CPVL: variants seen among roughly 807,000 people sequenced by gnomAD.
CPVL encodes the protein probable serine carboxypeptidase CPVL.
CPVL carries 51 observed loss-of-function variants against 63.7 expected under a neutral mutation model. The observed-to-expected ratio is 0.80, with a 90% CI of 0.64 to 1.01. The LOEUF is 1.01. CPVL is among the 50% of genes least tolerant of loss of function. The pLI, the probability that CPVL is intolerant of heterozygous loss-of-function variation, is 0.00. For synonymous variants in CPVL, 195 were observed against 206.0 expected, an observed-to-expected ratio of 0.95 and a Z score of 0.46; for missense variants, 530 against 573.1, an observed-to-expected ratio of 0.92 and a Z score of 0.77.
At chr7:29,022,584 C>A (rs1477660703) in intron 12 of CPVL, among the ~76,000 whole-genome samples, 1 of 152,230 alleles carries the variant, frequency 6.6e-6, no homozygotes, top group Non-Finnish European at 1.5e-5. Context: ...CTACCCCACC[C>A]ACTGCCACTG....
chr7:29,134,636 T>C (rs1489621465), intron 1 of CPVL, among the ~76,000 whole-genome samples: 1 of 151,988 alleles, frequency 6.6e-6, no homozygotes, highest in Admixed American at 6.5e-5. Context: ...TCTTAAGAAA[T>C]CTTAAGAATT....
chr7:29,147,777 A>C (rs562251979), upstream of CPVL, among the ~76,000 whole-genome samples: 2 of 152,380 alleles, frequency 1.3e-5, no homozygotes, highest in South Asian at 4.1e-4. Context: ...ACAAACAGAG[A>C]TCTGTAGGCC....
At chr7:29,010,564 C>A (rs922029951) in intron 12 of CPVL, 3 of 152,196 alleles carry the variant, frequency 2.0e-5, no homozygotes, top group African/African-American at 7.2e-5. Context: ...TTTGACAAGA[C>A]AGTCTCTTTG....
At chr7:29,125,632 A>G (rs1789932729) in intron 1 of CPVL, among the ~76,000 whole-genome samples, 1 of 151,888 alleles carries the variant, frequency 6.6e-6, no homozygotes, top group African/African-American at 2.4e-5. Flanking sequence ...ATCTCAGGTG[A>G]TCCACCCGCC....
chr7:29,084,786 T>C (rs1413147357), intron 7 of CPVL, among the ~76,000 whole-genome samples: 2 of 152,222 alleles, frequency 1.3e-5, no homozygotes, highest in Non-Finnish European at 2.9e-5. Context: ...AGTACTTTGA[T>C]TATAGGTGTG....
intron 3 of CPVL, among the ~76,000 whole-genome samples, chr7:29,108,673 G>A (rs1787961406): frequency 6.6e-6 from 1 of 152,120 alleles, no homozygotes; most frequent in African/African-American, 2.4e-5. Flanking sequence ...TATGTTTTAG[G>A]TGCCACTCTA....
chr7:29,072,335 A>G lies in CPVL; in HGVS notation c.698T>C (p.Ile233Thr). Residue 233 changes from isoleucine (I) to threonine (T), a missense_variant, in exon 8 of 13, where the codon ATT becomes ACT. Physicochemically the swap from Ile to Thr is moderately conservative, Grantham distance 89. Transcript: ENST00000265394. Reference sequence around the variant, plus strand: ...ATCAGAATATCCATCTCCAATAGCAATTCCGTTCAGGTTGATCTTCACCTC... The same window carrying G: ...ATCAGAATATCCATCTCCAATAGCAGTTCCGTTCAGGTTGATCTTCACCTC... Reference protein sequence around the residue: ...VREVKINLNGIAIGDGYSDPE... With the variant: ...VREVKINLNGTAIGDGYSDPE... The G allele has an allele frequency of 6.2e-7, 1 of 1,614,144 alleles. No homozygotes were observed. Among genetic ancestry groups the G allele is most frequent in the Middle Eastern group, 1.7e-4 (1 of 6,058 alleles).
chr7:29,032,804 T>C (rs1003864698), intron 11 of CPVL, among the ~76,000 whole-genome samples: 2 of 152,242 alleles, frequency 1.3e-5, no homozygotes, highest in Non-Finnish European at 2.9e-5. Context: ...CATTACTATA[T>C]TTTGAAATCA....
At chr7:29,112,103 T>C (rs1402838922) in intron 3 of CPVL, among the ~76,000 whole-genome samples, 1 of 152,194 alleles carries the variant, frequency 6.6e-6, no homozygotes, top group Non-Finnish European at 1.5e-5. Context: ...TTTGGGAAAG[T>C]GATGGCCTTT....
intron 12 of CPVL, among the ~76,000 whole-genome samples, chr7:29,003,290 T>G (rs2128127442): frequency 6.6e-6 from 1 of 152,006 alleles, no homozygotes; most frequent in Non-Finnish European, 1.5e-5. Context: ...GCAAGAAAAC[T>G]GACTATTCAA....
chr7:29,125,133 T>C (rs1789862682), intron 1 of CPVL: 1 of 152,198 alleles, frequency 6.6e-6, no homozygotes, highest in South Asian at 2.1e-4. Context: ...CTGAATTTCA[T>C]TCTGCCTGGA....
intron 5 of CPVL, among the ~76,000 whole-genome samples, chr7:29,163,910 A>G (rs1177431610): frequency 6.6e-6 from 1 of 152,168 alleles, no homozygotes; most frequent in Non-Finnish European, 1.5e-5. Context: ...ATATTTGTCC[A>G]TTTACTTGTT....
intron 12 of CPVL, among the ~76,000 whole-genome samples, chr7:29,014,630 C>G (rs1786220005): frequency 2.0e-5 from 3 of 152,206 alleles, no homozygotes; most frequent in African/African-American, 7.2e-5. Flanking sequence ...TTGTGAGCCA[C>G]CATGCCCAGC....
intron 7 of CPVL, among the ~76,000 whole-genome samples, chr7:29,075,518 T>TGAA (rs1258695584): frequency 9.2e-5 from 1 of 10,882 alleles, no homozygotes; most frequent in Admixed American, 1.3e-3. Flanking sequence ...AAGATACTTC[T>TGAA]TAAAAAAAAA....
At chr7:29,013,611 C>T (rs775527009) in intron 12 of CPVL, among the ~76,000 whole-genome samples, 11 of 152,210 alleles carry the variant, frequency 7.2e-5, no homozygotes, top group Non-Finnish European at 1.2e-4. Flanking sequence ...AGGCAAACCA[C>T]CAGCTCCCGC....
chr7:29,040,515 A>G (rs1788960604), intron 11 of CPVL, among the ~76,000 whole-genome samples: 1 of 152,194 alleles, frequency 6.6e-6, no homozygotes, highest in Non-Finnish European at 1.5e-5. Context: ...AATACTCAGG[A>G]GGCCTGAGTC....
chr7:29,183,512 G>T (rs1458724317), intron 4 of CPVL, among the ~76,000 whole-genome samples: 1 of 151,666 alleles, frequency 6.6e-6, no homozygotes, highest in East Asian at 1.9e-4. Context: ...AAGTAGCTGG[G>T]TTTACAAGTG....
At chr7:29,068,705 T>A (rs143577197) in intron 9 of CPVL, among the ~76,000 whole-genome samples, 2 of 150,028 alleles carry the variant, frequency 1.3e-5, no homozygotes, top group East Asian at 3.9e-4. Context: ...TTTGTTTTTT[T>A]TTTTTTTGAG....
At chr7:29,061,273 C>T (rs1015748763) in intron 11 of CPVL, among the ~76,000 whole-genome samples, 3 of 152,094 alleles carry the variant, frequency 2.0e-5, no homozygotes, top group Non-Finnish European at 4.4e-5. Context: ...ATTAGCCAGG[C>T]ATGGTGGCAT....
Sources: allele counts gnomAD v4.1 joint callset (sites outside exome capture counted in the v4.1 genomes callset), GRCh38; gene constraint gnomAD v4.1.1; transcripts MANE v1.5; gene names NCBI Gene and HGNC (gene_info 2026-07-23, HGNC 2026-07-21).